The following WNK2 variants were observed in gnomAD, a reference collection of about 807,000 sequenced individuals.
WNK2 encodes serine/threonine-protein kinase WNK2.
Under a neutral mutation model 192.1 loss-of-function variants are expected in WNK2, and 67 were observed. That is an observed-to-expected ratio of 0.35 (90% CI 0.29 to 0.43). The LOEUF (loss-of-function observed/expected upper bound fraction) is 0.43. Ranked by LOEUF, WNK2 falls within the 20% of genes least tolerant of loss-of-function variation. The probability of loss-of-function intolerance (pLI) is 1.00; values close to 1 mark genes in which losing one functional copy is unlikely to be tolerated. For synonymous variants in WNK2, 1,439 were observed against 1,393.9 expected, an observed-to-expected ratio of 1.03 and a Z score of -0.72; for missense variants, 2,698 against 3,089.7, an observed-to-expected ratio of 0.87 and a Z score of 3.01.
chr9:93,289,625 G>A lies in WNK2; in HGVS notation c.4866+5G>A. 6.8e-7 allele frequency: 1 copy of A among 1,460,746 alleles called. No individual in the cohort carries two copies. The allele number at this position is 1,460,746 out of a possible 1,614,324, so 90.5% of individuals were successfully genotyped here. On this transcript the variant is annotated splice_donor_5th_base_variant and intron_variant, in intron 20 of 29. Coordinates refer to ENST00000427277, the MANE Select transcript of WNK2 (RefSeq NM_006648.4). The stretch of plus-strand genomic sequence containing the variant: ...GTCCAGCTGCCCCAGCCCTTGGTGA[G>A]TAGCTGCCTTGTCCCAGAGACACTG...
chr9:93,306,917 G>GGCCTGCCCTGT (rs1184726623), intron 27 of WNK2, 96 bp downstream of exon 27: 9 of 1,497,918 alleles, frequency 6.0e-6, no homozygotes, highest in African/African-American at 2.8e-5. Flanking sequence ...GGCGGGCGTG[G>GGCCTGCCCTGT]GCCTGCCCTG....
chr9:93,215,564 G>C (rs539054346), intron 2 of WNK2, among the ~76,000 whole-genome samples: 37 of 152,000 alleles, frequency 2.4e-4, no homozygotes, highest in African/African-American at 8.0e-4. Flanking sequence ...TTTATTTTCT[G>C]CTGCCTTCCA....
intron 5 of WNK2, among the ~76,000 whole-genome samples, chr9:93,236,709 G>A (rs1009841358): frequency 5.3e-5 from 8 of 152,026 alleles, no homozygotes; most frequent in African/African-American, 1.9e-4. Flanking sequence ...GCTGCCACCC[G>A]CACCCCCCCG....
chr9:93,301,152 GT>G (rs949136718), intron 26 of WNK2, among the ~76,000 whole-genome samples: 3 of 152,246 alleles, frequency 2.0e-5, no homozygotes, highest in Admixed American at 2.0e-4. Flanking sequence ...CACGCAGTTT[GT>G]TTTTAACCCT....
intron 28 of WNK2, among the ~76,000 whole-genome samples, chr9:93,314,841 G>A (rs1035251802): frequency 2.6e-5 from 4 of 152,242 alleles, no homozygotes; most frequent in Admixed American, 2.0e-4. Flanking sequence ...TGAGAGGAAC[G>A]AGCAGGAGCA....
chr9:93,299,302 C>G, intron 25 of WNK2, 41 bp downstream of exon 25: 2 of 1,536,104 alleles, frequency 1.3e-6, no homozygotes, highest in Non-Finnish European at 1.8e-6. Flanking sequence ...GTGCTAGCCA[C>G]GTAGGGCCTC....
rs1220079960 is a variant in WNK2 at position 93,290,085 on chromosome 9, C to G, written c.4936+38C>G. 3.2e-6 allele frequency: 5 copies of G among 1,540,622 alleles called. No homozygotes were observed. In the African/African-American group the frequency reaches 6.9e-5, roughly 21 times the overall value. ...TGCTGAACCCTGCGTTCACAAGGTG[C>G]TGCCTGGCTTCCTTGCCCCAGAACC... On this transcript the variant is annotated intron_variant, in intron 21 of 29. Coordinates refer to ENST00000427277, the MANE Select transcript of WNK2 (RefSeq NM_006648.4).
rs1430112109 is a variant in WNK2 at position 93,300,167 on chromosome 9, T to C, written c.6214+18T>C. 2 of 1,605,548 alleles carry C rather than the reference T, an allele frequency of 1.2e-6. No individual in the cohort carries two copies. Among genetic ancestry groups the C allele is most frequent in the Non-Finnish European group, 1.7e-6 (2 of 1,173,486 alleles). The stretch of plus-strand genomic sequence containing the variant: ...GTCCATCTGTCTGTATTTGTTCTTT[T>C]GTATTTTATCACCTCCTGGCCCTTG... On this transcript the variant is annotated intron_variant, in intron 26 of 29. Transcript: ENST00000427277.
chr9:93,292,426 G>T (rs1306236698), intron 22 of WNK2, 30 bp downstream of exon 22: 4 of 1,613,838 alleles, frequency 2.5e-6, no homozygotes, highest in Non-Finnish European at 3.4e-6. Flanking sequence ...CCCCTGGCTG[G>T]TTGGCAGGGT....
intron 2 of WNK2, among the ~76,000 whole-genome samples, chr9:93,203,113 C>T (rs1178002404): frequency 6.6e-6 from 1 of 151,966 alleles, no homozygotes; most frequent in Non-Finnish European, 1.5e-5. Context: ...AGGGGTGGGG[C>T]CCAGAGCTTT....
Position 93,292,870 on chromosome 9 carries a change from G to T in WNK2, c.5405G>T (p.Gly1802Val), listed in dbSNP as rs943112638. ...GCCTCCTCCATCGAGGTCGGCGTGG[G>T]CGAGCCCGTGTCCAGCGACTCTGGG... ...QTASSIEVGV[G>V]EPVSSDSGDE... Residue 1802 changes from glycine to valine, a missense_variant, in exon 23 of 30, where the codon GGC becomes GTC. Gly to Val is a moderately radical substitution (Grantham distance 109). Transcript: ENST00000427277. 3 of 1,500,802 alleles carry T rather than the reference G, an allele frequency of 2.0e-6. No homozygotes were observed. Among genetic ancestry groups the T allele is most frequent in the Non-Finnish European group, 2.7e-6 (3 of 1,123,904 alleles). 93.0% of individuals were successfully genotyped at this position (1,500,802 alleles called of 1,614,324 possible). A position where few individuals can be genotyped will look rare whatever the true frequency, so the allele number is the denominator to read the frequency against.
At chr9:93,296,491 T>C (rs1588519401) in intron 23 of WNK2, among the ~76,000 whole-genome samples, 1 of 20,090 alleles carries the variant, frequency 5.0e-5, no homozygotes, top group Non-Finnish European at 9.4e-5. Context: ...TTCTCCCTCC[T>C]CCCCCTCCAT....
chr9:93,315,103 C>T (rs1346736949), intron 28 of WNK2, among the ~76,000 whole-genome samples: 1 of 152,184 alleles, frequency 6.6e-6, no homozygotes, highest in African/African-American at 2.4e-5. Context: ...TGCACTTGGT[C>T]TTCAGGACCA....
intron 28 of WNK2, among the ~76,000 whole-genome samples, chr9:93,311,834 G>C (rs1411448136): frequency 6.6e-6 from 1 of 152,136 alleles, no homozygotes; most frequent in African/African-American, 2.4e-5. Context: ...TGGTCAGGCT[G>C]ATCTCGAACT....
chr9:93,292,798 C>A lies in WNK2; in HGVS notation c.5333C>A (p.Ala1778Asp), dbSNP rs373477898. The A allele has an allele frequency of 2.8e-5, 43 of 1,540,360 alleles. No homozygotes were observed. Among genetic ancestry groups the A allele is most frequent in the Non-Finnish European group, 3.6e-5 (41 of 1,143,310 alleles). ...CCACCCGACGTCTACCTGGACGAGG[C>A]CCCCTCCAGCCCCGACGTGAAGCTG... ...SAPPDVYLDE[A>D]PSSPDVKLAV... is the part of the protein sequence containing the mutation. The change falls in exon 23 of 30, where the codon GCC (alanine) becomes GAC (aspartate). Residue 1778 changes from alanine (A) to aspartate (D), a missense_variant. By Grantham distance (126) the Ala-to-Asp change is moderately radical (BLOSUM62 -2). Coordinates refer to ENST00000427277, the MANE Select transcript of WNK2 (RefSeq NM_006648.4).
At chr9:93,254,511 G>A (rs940000513) in intron 9 of WNK2, among the ~76,000 whole-genome samples, 7 of 152,220 alleles carry the variant, frequency 4.6e-5, no homozygotes, top group East Asian at 1.9e-4. Context: ...CTGCTCAGTC[G>A]GAAGGGTCCA....
intron 26 of WNK2, among the ~76,000 whole-genome samples, chr9:93,301,766 T>C (rs1335491749): frequency 6.6e-6 from 1 of 152,126 alleles, no homozygotes; most frequent in Non-Finnish European, 1.5e-5. Context: ...CAGTGCAGGG[T>C]GTTAGTGTCA....
intron 19 of WNK2, among the ~76,000 whole-genome samples, chr9:93,272,262 TA>T (rs940900120): frequency 2.0e-5 from 3 of 152,030 alleles, no homozygotes; most frequent in South Asian, 2.1e-4. Context: ...ACAATTGAAG[TA>T]AAAAAAAGAT....
rs183501280 is a variant in WNK2 at position 93,199,655 on chromosome 9, T to C, written c.681+14045T>C. Reference sequence around the variant, plus strand: ...GGCTCAGGCCTGTAATCCCAACACTTTGGGAGGCCGAGGCGGGTGGATCAC... The same window carrying C: ...GGCTCAGGCCTGTAATCCCAACACTCTGGGAGGCCGAGGCGGGTGGATCAC... On this transcript the variant is annotated intron_variant, in intron 2 of 29. Coordinates refer to ENST00000427277, the MANE Select transcript of WNK2 (RefSeq NM_006648.4). Among the ~76,000 whole-genome samples, 29 of 151,896 alleles carry C rather than the reference T, an allele frequency of 1.9e-4. No homozygotes were observed. In the East Asian group the frequency reaches 4.3e-3, roughly 22 times the overall value.
Sources: allele counts gnomAD v4.1 joint callset (sites outside exome capture counted in the v4.1 genomes callset), GRCh38; gene constraint gnomAD v4.1.1; transcripts MANE v1.5; gene names NCBI Gene and HGNC (gene_info 2026-07-23, HGNC 2026-07-21).